Variants in KLKB1 observed in about 807,000 individuals in gnomAD.
KLKB1 encodes the protein plasma kallikrein.
KLKB1 carries 58 observed loss-of-function variants against 73.6 expected under a neutral mutation model. That is an observed-to-expected ratio of 0.79 (90% CI 0.64 to 0.98). The LOEUF (loss-of-function observed/expected upper bound fraction) is 0.98. Ranked by LOEUF, KLKB1 falls within the 50% of genes least tolerant of loss-of-function variation. KLKB1 has a pLI of 0.00. For missense variants in KLKB1, 737 were observed against 763.8 expected (o/e 0.96, Z 0.41); for synonymous variants, 280 against 258.1 (o/e 1.08, Z -0.81).
At chr4:186,236,085 G>A (rs1249054730) in intron 4 of KLKB1, among the ~76,000 whole-genome samples, 1 of 106,112 alleles carries the variant, frequency 9.4e-6, no homozygotes, top group Non-Finnish European at 1.8e-5. Context: ...CTGCGCTCCA[G>A]CCTGGGCGAC....
chr4:186,232,218 G>A lies in KLKB1; in HGVS notation c.150G>A (p.Arg50=), dbSNP rs1166783307. The A allele has an allele frequency of 1.9e-6, 3 of 1,613,906 alleles. No homozygotes were observed. Among genetic ancestry groups the A allele is most frequent in the Non-Finnish European group, 2.5e-6 (3 of 1,179,914 alleles). Residue 50 remains arginine, a synonymous_variant, in exon 3 of 15, where the codon AGG becomes AGA. Coordinates refer to ENST00000264690, the MANE Select transcript of KLKB1 (RefSeq NM_000892.5). ...CAAATGCCCAATACTGCCAGATGAGGTGCACATTCCACCCAAGGTGTTTGC... is the reference window on the plus strand; with the variant it reads ...CAAATGCCCAATACTGCCAGATGAGATGCACATTCCACCCAAGGTGTTTGC... ...YTPNAQYCQM[R]CTFHPRCLLF... is the part of the protein sequence containing the mutation.
chr4:186,215,956 G>A (rs1464132617), intron 2 of KLKB1, among the ~76,000 whole-genome samples: 1 of 152,134 alleles, frequency 6.6e-6, no homozygotes, highest in Non-Finnish European at 1.5e-5. Flanking sequence ...ATTACCAAAA[G>A]CAATGCTGTT....
chr4:186,224,365 C>A (rs2126617378), upstream of KLKB1, among the ~76,000 whole-genome samples: 1 of 152,336 alleles, frequency 6.6e-6, no homozygotes, highest in Middle Eastern at 3.4e-3. Context: ...GTTGCAGGCA[C>A]TCAGTGCCGG....
intron 2 of KLKB1, among the ~76,000 whole-genome samples, chr4:186,219,657 G>A (rs1242881330): frequency 2.0e-5 from 3 of 152,118 alleles, no homozygotes; most frequent in Non-Finnish European, 4.4e-5. Flanking sequence ...CGGTATTGAT[G>A]ACTACCTTCT....
Position 186,252,120 on chromosome 4 carries a change from G to A in KLKB1, c.1248G>A (p.Arg416=), listed in dbSNP as rs762993578. The change falls in exon 11 of 15, where the codon AGG becomes AGA. Residue 416 remains arginine, a synonymous_variant. Coordinates refer to ENST00000264690, the MANE Select transcript of KLKB1 (RefSeq NM_000892.5). ...TGCAGGTGAAGCTGACAGCTCAGAG[G>A]CACCTGTGTGGAGGGTCACTCATAG... ...VSLQVKLTAQ[R]HLCGGSLIGH... 16 of 1,613,882 alleles carry A rather than the reference G, an allele frequency of 9.9e-6. No individual in the cohort carries two copies. In the Middle Eastern group the frequency reaches 4.9e-4, roughly 50 times the overall value.
In KLKB1 at chr4:186,258,261, A is replaced by G. The variant is rs78169369; in HGVS notation, c.*49A>G. On this transcript the variant is annotated 3_prime_UTR_variant, in exon 15 of 15. Transcript: ENST00000264690. ...TTTTTACAACCTGAGTTCAAGTCAAATTCTGAGCCTGGGGGGTCCTCATCT... is the reference window on the plus strand; with the variant it reads ...TTTTTACAACCTGAGTTCAAGTCAAGTTCTGAGCCTGGGGGGTCCTCATCT... 2.6e-5 allele frequency: 40 copies of G among 1,521,148 alleles called. No individual in the cohort carries two copies. The East Asian group carries it at 8.8e-4, about 33-fold the overall frequency. 94.2% of individuals were successfully genotyped at this position (1,521,148 alleles called of 1,614,324 possible).
chr4:186,225,622 G>A (rs1484116123), upstream of KLKB1, among the ~76,000 whole-genome samples: 3 of 151,820 alleles, frequency 2.0e-5, no homozygotes, highest in African/African-American at 7.3e-5. Context: ...TTTTAGTAGA[G>A]ATGGGGTTTC....
At chr4:186,221,297 G>T in intron 2 of KLKB1, among the ~76,000 whole-genome samples, 1 of 147,946 alleles carries the variant, frequency 6.8e-6, no homozygotes, top group African/African-American at 2.5e-5. Context: ...ATTTATCTCT[G>T]CTCTGATCTT....
At chr4:186,252,272 CT>C in intron 11 of KLKB1, 87 bp downstream of exon 11, 1 of 1,392,798 alleles carries the variant, frequency 7.2e-7, no homozygotes, top group Non-Finnish European at 1.0e-6. Context: ...CGCCATGTGA[CT>C]TTATGAATAG....
intron 6 of KLKB1, among the ~76,000 whole-genome samples, chr4:186,241,656 C>G (rs1259143999): frequency 6.6e-6 from 1 of 152,062 alleles, no homozygotes; most frequent in Non-Finnish European, 1.5e-5. Flanking sequence ...CACATATTTT[C>G]AAGCCAAAAG....
intron 2 of KLKB1, chr4:186,212,393 C>T (rs1246432294): frequency 6.6e-6 from 1 of 152,168 alleles, no homozygotes; most frequent in Admixed American, 6.5e-5. Flanking sequence ...ATAGATCATA[C>T]TTATGAAGGT....
rs149279838 is a variant in KLKB1, at chr4:186,254,730, T to G, written c.1456T>G (p.Leu486Val). Residue 486 changes from leucine (L) to valine (V), a missense_variant, in exon 12 of 15, where the codon TTG becomes GTG. Leu to Val is a conservative substitution (Grantham distance 32). Transcript: ENST00000264690. ...KVSEGNHDIA[L>V]IKLQAPLNYT... The stretch of plus-strand genomic sequence containing the variant: ...CTCAGAAGGGAATCATGATATCGCC[T>G]TGATAAAACTCCAGGCTCCTTTGAA... 87 of 1,613,916 alleles carry G rather than the reference T, an allele frequency of 5.4e-5. No individual in the cohort carries two copies. Among genetic ancestry groups the G allele is most frequent in the East Asian group, 4.5e-4 (20 of 44,880 alleles).
upstream of KLKB1, among the ~76,000 whole-genome samples, chr4:186,225,670 A>G (rs1027725699): frequency 2.6e-5 from 4 of 151,986 alleles, no homozygotes; most frequent in East Asian, 3.9e-4. Flanking sequence ...TCCTGACCTC[A>G]TGATCCACCC....
chr4:186,237,058 T>C (rs1580002981), intron 5 of KLKB1, 118 bp downstream of exon 5: 1 of 870,306 alleles, frequency 1.1e-6, no homozygotes, highest in East Asian at 2.5e-5. Context: ...TTCTAACCAC[T>C]TTCCTCATTT....
At chr4:186,219,567 A>G (rs1428642638) in intron 2 of KLKB1, among the ~76,000 whole-genome samples, 2 of 152,248 alleles carry the variant, frequency 1.3e-5, no homozygotes, top group Non-Finnish European at 2.9e-5. Flanking sequence ...GTATACATAC[A>G]CAAACATGTT....
At chr4:186,235,142 C>T (rs4253344) in intron 4 of KLKB1, among the ~76,000 whole-genome samples, 3,719 of 152,230 alleles carry the variant, frequency 0.024, 157 homozygotes, top group African/African-American at 0.086. Context: ...GTGTAGTCTA[C>T]GTGAGGTGGA....
chr4:186,229,528 TC>T (rs1212511698), intron 2 of KLKB1, among the ~76,000 whole-genome samples: 1 of 152,214 alleles, frequency 6.6e-6, no homozygotes, highest in African/African-American at 2.4e-5. Context: ...ATTCTTATGC[TC>T]TTATTCAGTT....
At chr4:186,251,379 T>G in intron 8 of KLKB1, 51 bp downstream of exon 8, 1 of 1,515,292 alleles carries the variant, frequency 6.6e-7, no homozygotes, top group Non-Finnish European at 9.2e-7. Flanking sequence ...ATTTCATGAC[T>G]TTTAACAGCA....
chr4:186,257,908 GTATC>G (rs1739101409), intron 14 of KLKB1, 109 bp from the exon 15 acceptor site: 2 of 961,640 alleles, frequency 2.1e-6, no homozygotes, highest in African/African-American at 3.2e-5. Context: ...AAATATGAAA[GTATC>G]TGTGTGTGTG....
Sources: gnomAD v4.1 joint callset for allele counts (sites outside exome capture counted in the v4.1 genomes callset) on GRCh38, gnomAD v4.1.1 for gene constraint, MANE v1.5 for transcripts, NCBI Gene and HGNC (gene_info 2026-07-23, HGNC 2026-07-21) for gene names.